Variants in ACTL6A observed in about 807,000 individuals in gnomAD.
ACTL6A encodes the protein actin like 6A, also known as actin-like protein 6A.
Under a neutral mutation model 59.2 loss-of-function variants are expected in ACTL6A, and 5 were observed. The observed-to-expected ratio is 0.08, with a 90% CI of 0.04 to 0.18. The LOEUF (loss-of-function observed/expected upper bound fraction) is 0.18, where lower values mean the gene tolerates loss of function less well. ACTL6A is among the 10% of genes least tolerant of loss of function. ACTL6A has a pLI of 1.00. For synonymous variants in ACTL6A, 154 were observed against 171.8 expected, an observed-to-expected ratio of 0.90 and a Z score of 0.81; for missense variants, 285 against 526.9, an observed-to-expected ratio of 0.54 and a Z score of 4.49.
At chr3:179,582,993 T>G (rs1718378957) in intron 11 of ACTL6A, among the ~76,000 whole-genome samples, 1 of 152,178 alleles carries the variant, frequency 6.6e-6, no homozygotes, top group South Asian at 2.1e-4. Context: ...GCAGGATTGT[T>G]TGAACCCAGG....
chr3:179,586,649 C>T lies in ACTL6A; in HGVS notation c.1209+17C>T, dbSNP rs761890459. The T allele has an allele frequency of 1.4e-5, 22 of 1,575,418 alleles. No homozygotes were observed. The highest frequency in any genetic ancestry group is 1.6e-5 in the Non-Finnish European group (18 of 1,160,280). ...GCCTCTTTGGTTAGTAGATGAGCTACTTTGCAAAAATATTCTTACTGAATT... is the reference window on the plus strand; with the variant it reads ...GCCTCTTTGGTTAGTAGATGAGCTATTTTGCAAAAATATTCTTACTGAATT... On this transcript the variant is annotated intron_variant, in intron 13 of 13. Coordinates refer to ENST00000429709, the MANE Select transcript of ACTL6A (RefSeq NM_004301.5).
At chr3:179,586,179 C>T (rs1211946030) in intron 12 of ACTL6A, among the ~76,000 whole-genome samples, 2 of 152,156 alleles carry the variant, frequency 1.3e-5, no homozygotes, top group South Asian at 2.1e-4. Flanking sequence ...TATGTTTTCT[C>T]ATCATATAAT....
At chr3:179,572,235 G>T (rs887443369) in intron 3 of ACTL6A, among the ~76,000 whole-genome samples, 2 of 151,870 alleles carry the variant, frequency 1.3e-5, no homozygotes, top group Non-Finnish European at 2.9e-5. Context: ...AATTAGGGAT[G>T]TAGGAAAAAA....
At chr3:179,567,665 A>T (rs1176336430) in intron 1 of ACTL6A, among the ~76,000 whole-genome samples, 1 of 152,134 alleles carries the variant, frequency 6.6e-6, no homozygotes, top group Non-Finnish European at 1.5e-5. Context: ...AATTTTACCA[A>T]CTCATATTCA....
chr3:179,575,080 C>T (rs1198092516), intron 5 of ACTL6A: 5 of 231,994 alleles, frequency 2.2e-5, no homozygotes, highest in East Asian at 1.2e-4. Flanking sequence ...TGGACTCAAG[C>T]GATATGCTTG....
chr3:179,573,331 C>G, intron 3 of ACTL6A, 38 bp from the exon 4 acceptor site: 1 of 1,337,446 alleles, frequency 7.5e-7, no homozygotes, highest in East Asian at 2.4e-5. Context: ...TCATCTTCAA[C>G]TATGCATTAT....
chr3:179,576,454 A>T, intron 6 of ACTL6A, 143 bp downstream of exon 6: 1 of 777,406 alleles, frequency 1.3e-6, no homozygotes, highest in Non-Finnish European at 2.0e-6. Flanking sequence ...AATCTTTAGT[A>T]TATAATGTAT....
At chr3:179,579,489 C>CACACACACACACACAT (rs966245251) in intron 8 of ACTL6A, among the ~76,000 whole-genome samples, 4 of 151,400 alleles carry the variant, frequency 2.6e-5, no homozygotes, top group East Asian at 3.9e-4. Flanking sequence ...CACACACACA[C>CACACACACACACACAT]ATTTTAAAGA....
intron 1 of ACTL6A, among the ~76,000 whole-genome samples, chr3:179,563,594 G>A (rs1717738297): frequency 6.6e-6 from 1 of 152,218 alleles, no homozygotes; most frequent in South Asian, 2.1e-4. Context: ...AGGTGGCAAA[G>A]CGAGCCTCAA....
intron 1 of ACTL6A, among the ~76,000 whole-genome samples, chr3:179,567,347 C>T (rs1717867093): frequency 6.6e-6 from 1 of 152,120 alleles, no homozygotes; most frequent in African/African-American, 2.4e-5. Flanking sequence ...GCCTGGGCGA[C>T]AGGAGTGAAA....
chr3:179,585,022 T>C (rs1416777978), intron 12 of ACTL6A, among the ~76,000 whole-genome samples: 7 of 152,238 alleles, frequency 4.6e-5, no homozygotes, highest in Admixed American at 2.0e-4. Context: ...CTGCCTTGTA[T>C]TTTCTAAATT....
intron 11 of ACTL6A, among the ~76,000 whole-genome samples, chr3:179,583,013 C>T (rs1038920079): frequency 1.2e-4 from 18 of 152,158 alleles, no homozygotes; most frequent in African/African-American, 4.1e-4. Flanking sequence ...GAGTTTGAGG[C>T]TGTGGTACGC....
At chr3:179,581,031 T>C (rs775256356) in intron 10 of ACTL6A, 23 bp downstream of exon 10, 2 of 1,594,960 alleles carry the variant, frequency 1.3e-6, no homozygotes, top group Non-Finnish European at 1.7e-6. Context: ...ATTTCATAAT[T>C]AGCCTGGCTT....
In ACTL6A at chr3:179,576,690, T is replaced by C. The variant is rs539611550; in HGVS notation, c.642T>C (p.Asn214=). The C allele has an allele frequency of 2.5e-6, 4 of 1,613,840 alleles. No homozygotes were observed. In the South Asian group the frequency reaches 3.3e-5, roughly 13 times the overall value. The part of the protein sequence containing the change: ...MQCRELFQEM[N]IELVPPYMIA... ...GCAGAGAACTCTTCCAAGAAATGAA[T>C]ATTGAATTGGTTCCTCCATATATGA... is the stretch of plus-strand genomic sequence containing the variant. Residue 214 remains asparagine (N), a synonymous_variant, in exon 7 of 14, where the codon AAT becomes AAC. Coordinates refer to ENST00000429709, the MANE Select transcript of ACTL6A (RefSeq NM_004301.5).
intron 1 of ACTL6A, among the ~76,000 whole-genome samples, chr3:179,564,217 G>C (rs978607265): frequency 6.6e-6 from 1 of 152,212 alleles, no homozygotes; most frequent in African/African-American, 2.4e-5. Context: ...TGATGAGTTA[G>C]AGACCCAGAA....
At chr3:179,581,475 C>T (rs1312926148) in intron 11 of ACTL6A, among the ~76,000 whole-genome samples, 1 of 152,190 alleles carries the variant, frequency 6.6e-6, no homozygotes, top group Non-Finnish European at 1.5e-5. Flanking sequence ...ACATAAAACT[C>T]AATTCTTCAG....
At position 179,570,156 on chromosome 3, in the gene ACTL6A, C is replaced by T; in HGVS notation, c.192C>T (p.Gly64=). 1 of 1,613,926 alleles carries T rather than the reference C, an allele frequency of 6.2e-7. No homozygotes were observed. The highest frequency in any genetic ancestry group is 8.5e-7 in the Non-Finnish European group (1 of 1,179,940). Reference sequence around the variant, plus strand: ...TAGATGGCGATAAAGGCAAACAAGGCGGTCCCACCTACTACATAGATACTA... The same window carrying T: ...TAGATGGCGATAAAGGCAAACAAGGTGGTCCCACCTACTACATAGATACTA... ...MEIDGDKGKQ[G]GPTYYIDTNA... Residue 64 remains glycine (G), a synonymous_variant, in exon 3 of 14, where the codon GGC becomes GGT. Coordinates refer to ENST00000429709, the MANE Select transcript of ACTL6A (RefSeq NM_004301.5). This position sits in a 1 kb window ranked among gnomAD's most constrained non-coding sequence, Gnocchi z 4.3.
chr3:179,566,424 TA>T (rs1227213983), intron 1 of ACTL6A, among the ~76,000 whole-genome samples: 1 of 152,224 alleles, frequency 6.6e-6, no homozygotes, highest in Admixed American at 6.5e-5. Flanking sequence ...TATAAACATT[TA>T]AAAACATTCT....
chr3:179,566,249 A>G (rs1409172920), intron 1 of ACTL6A, among the ~76,000 whole-genome samples: 6 of 152,242 alleles, frequency 3.9e-5, no homozygotes, highest in African/African-American at 1.4e-4. Context: ...AGAGAGAGAG[A>G]GATTTGAAAT....
Sources: gnomAD v4.1 joint callset for allele counts (sites outside exome capture counted in the v4.1 genomes callset) on GRCh38, gnomAD v4.1.1 for gene constraint, Gnocchi (gnomAD v3.1) non-coding constraint, MANE v1.5 for transcripts, NCBI Gene and HGNC (gene_info 2026-07-23, HGNC 2026-07-21) for gene names.